The following KANSL1 variants were observed in gnomAD, a reference collection of about 807,000 sequenced individuals.
KANSL1 encodes the protein KAT8 regulatory NSL complex subunit 1.
KANSL1 carries 22 observed loss-of-function variants against 103.6 expected under a neutral mutation model. That is an observed-to-expected ratio of 0.21 (90% confidence interval 0.15 to 0.30). KANSL1 has a LOEUF of 0.30. KANSL1 is among the 10% of genes least tolerant of loss of function. The pLI, the probability that KANSL1 is intolerant of heterozygous loss-of-function variation, is 1.00. For synonymous variants in KANSL1, 600 were observed against 527.6 expected (o/e 1.14, Z -1.88); for missense variants, 1,337 against 1,399.8 (o/e 0.96, Z 0.72).
At chr17:46,216,348 C>T (rs1405776515) in intron 1 of KANSL1, among the ~76,000 whole-genome samples, 2 of 152,152 alleles carry the variant, frequency 1.3e-5, no homozygotes, top group African/African-American at 4.8e-5. Context: ...CTTGGTGACT[C>T]ACACACTTTG....
intron 2 of KANSL1, among the ~76,000 whole-genome samples, chr17:46,116,257 G>A (rs1476895522): frequency 3.3e-5 from 5 of 152,338 alleles, no homozygotes; most frequent in South Asian, 4.1e-4. Context: ...ACTGCGGGGC[G>A]CAGTGGCTCA....
At chr17:46,096,192 A>G (rs545141896) in intron 2 of KANSL1, among the ~76,000 whole-genome samples, 23 of 141,234 alleles carry the variant, frequency 1.6e-4, no homozygotes, top group Non-Finnish European at 3.0e-4. Context: ...TTGAGGCTGG[A>G]TTGTGGTGGT....
chr17:46,139,745 C>T (rs747093242), intron 2 of KANSL1, among the ~76,000 whole-genome samples: 14 of 152,072 alleles, frequency 9.2e-5, no homozygotes, highest in Admixed American at 3.9e-4. Context: ...TGTTAGTTTC[C>T]GTCCCTCTCC....
intron 1 of KANSL1, among the ~76,000 whole-genome samples, chr17:46,189,290 C>A (rs1323919599): frequency 6.6e-6 from 1 of 152,084 alleles, no homozygotes; most frequent in Non-Finnish European, 1.5e-5. Flanking sequence ...GGGCAATCAA[C>A]AGACAACCAC....
chr17:46,138,216 T>C (rs1597771662), intron 2 of KANSL1, among the ~76,000 whole-genome samples: 1 of 152,328 alleles, frequency 6.6e-6, no homozygotes, highest in East Asian at 1.9e-4. Context: ...GTAATGTTTA[T>C]TGAAGCATTT....
chr17:46,096,318 T>TTTTTTC (rs2042078402), intron 2 of KANSL1, among the ~76,000 whole-genome samples: 1 of 134,486 alleles, frequency 7.4e-6, no homozygotes, highest in Non-Finnish European at 1.6e-5. Context: ...TTTCTTTTTT[T>TTTTTTC]TTTTTTTTTT....
intron 7 of KANSL1, chr17:46,041,833 T>G (rs1438555793): frequency 6.6e-6 from 1 of 151,992 alleles, no homozygotes; most frequent in African/African-American, 2.4e-5. Context: ...AATTACAAAT[T>G]CCAGTCACTG....
intron 2 of KANSL1, among the ~76,000 whole-genome samples, chr17:46,108,749 C>T (rs1292327089): frequency 6.6e-6 from 1 of 152,190 alleles, no homozygotes; most frequent in Non-Finnish European, 1.5e-5. Flanking sequence ...CAAAGTAATT[C>T]CAGACTGAAG....
Position 46,171,456 on chromosome 17 carries a change from T to C in KANSL1, c.688A>G (p.Asn230Asp), listed in dbSNP as rs34756740. 9.4e-4 allele frequency: 1,522 copies of C among 1,613,776 alleles called. 2 individuals are homozygous for C. Among genetic ancestry groups the C allele is most frequent in the East Asian group, 2.3e-3 (103 of 44,876 alleles). ...TCCATGGAATTGACAGAGGATTTGT[T>C]TGCAGTGCTATTATTGCTATACAAA... ...TTLYSNNSTA[N>D]KSSVNSMEQP... The change falls in exon 2 of 15, where the codon AAC (asparagine) becomes GAC (aspartate). Residue 230 changes from asparagine to aspartate, a missense_variant. Asn to Asp is a conservative substitution (Grantham distance 23). Around this residue, in one of 2 missense-constraint regions of KANSL1, gnomAD observed 557 missense variants for 476.4 expected, o/e 1.17. Transcript: ENST00000432791.
At chr17:46,121,178 C>A (rs1362292467) in intron 2 of KANSL1, 1 of 144,296 alleles carries the variant, frequency 6.9e-6, no homozygotes, top group Non-Finnish European at 1.5e-5. Flanking sequence ...CCCCCTAACT[C>A]TTTTTTTTTT....
chr17:46,184,184 T>C (rs1416138972), intron 1 of KANSL1, among the ~76,000 whole-genome samples: 1 of 152,226 alleles, frequency 6.6e-6, no homozygotes, highest in Admixed American at 6.5e-5. Context: ...AGTACTGTAT[T>C]TCACCTGAAG....
At chr17:46,034,451 AGC>A in intron 10 of KANSL1, 166 bp from the exon 11 acceptor site, 1 of 635,862 alleles carries the variant, frequency 1.6e-6, no homozygotes, top group Non-Finnish European at 2.7e-6. Context: ...AGTCTCCAAC[AGC>A]AAAAAACCTC....
At chr17:46,175,886 T>C (rs2046496782) in intron 1 of KANSL1, among the ~76,000 whole-genome samples, 1 of 152,246 alleles carries the variant, frequency 6.6e-6, no homozygotes, top group South Asian at 2.1e-4. Context: ...CAGTACTAAT[T>C]CCTGTTATTA....
chr17:46,198,283 CTA>C (rs1333361930), upstream of KANSL1, among the ~76,000 whole-genome samples: 1 of 151,986 alleles, frequency 6.6e-6, no homozygotes, highest in Non-Finnish European at 1.5e-5. Flanking sequence ...TTAAGTTTAA[CTA>C]TTATTATTAG....
intron 2 of KANSL1, among the ~76,000 whole-genome samples, chr17:46,146,379 GTGAC>G (rs1257811544): frequency 1.3e-5 from 2 of 152,116 alleles, no homozygotes; most frequent in Admixed American, 6.5e-5. Context: ...AGGTCACAAA[GTGAC>G]TGACTGGCCA....
intron 2 of KANSL1, among the ~76,000 whole-genome samples, chr17:46,119,323 C>CTT (rs142510572): frequency 3.7e-4 from 54 of 144,142 alleles, no homozygotes; most frequent in African/African-American, 1.2e-3. Context: ...TTTTCTTTTT[C>CTT]TTTTTTTTTT....
intron 5 of KANSL1, among the ~76,000 whole-genome samples, chr17:46,066,954 C>T (rs1423298668): frequency 6.6e-6 from 1 of 152,224 alleles, no homozygotes; most frequent in East Asian, 1.9e-4. Context: ...ACATTAACTA[C>T]ATCATGTCTG....
At chr17:46,121,137 A>G (rs576270907) in intron 2 of KANSL1, among the ~76,000 whole-genome samples, 1 of 151,860 alleles carries the variant, frequency 6.6e-6, no homozygotes, top group Admixed American at 6.5e-5. Flanking sequence ...GGAACCCAAG[A>G]CACCATTCTC....
intron 1 of KANSL1, among the ~76,000 whole-genome samples, chr17:46,175,009 TTTATTTGCTG>T (rs1474449399): frequency 6.6e-6 from 1 of 152,218 alleles, no homozygotes; most frequent in Non-Finnish European, 1.5e-5. Flanking sequence ...AGAAAAACAA[TTTATTTGCTG>T]TTCTCAACAA....
Sources: gnomAD v4.1 joint callset for allele counts (sites outside exome capture counted in the v4.1 genomes callset) on GRCh38, gnomAD v4.1.1 for gene constraint, gnomAD v4.1.1 regional missense constraint, MANE v1.5 for transcripts, NCBI Gene and HGNC (gene_info 2026-07-23, HGNC 2026-07-21) for gene names.